The following ZNF445 variants were observed in gnomAD, a reference collection of about 807,000 sequenced individuals.
The protein encoded by ZNF445 is zinc finger protein 168.
In ZNF445, 19 loss-of-function variants were observed where a neutral mutation model predicts 93.9. The ratio of observed to expected loss-of-function variants is 0.20; its 90% CI spans 0.14 to 0.30. The LOEUF is 0.30. Ranked by LOEUF, ZNF445 falls within the 10% of genes least tolerant of loss-of-function variation. The pLI, the probability that ZNF445 is intolerant of heterozygous loss-of-function variation, is 1.00. For synonymous variants in ZNF445, 449 were observed against 446.3 expected, an observed-to-expected ratio of 1.01 and a Z score of -0.08; for missense variants, 1,058 against 1,259.4, an observed-to-expected ratio of 0.84 and a Z score of 2.42.
chr3:44,462,673 G>GA (rs947914621), intron 1 of ZNF445, among the ~76,000 whole-genome samples: 117 of 145,438 alleles, frequency 8.0e-4, no homozygotes, highest in South Asian at 5.7e-3. Flanking sequence ...TCTAAATCTT[G>GA]AAAAAAAAAG....
rs1178755931 is a variant in ZNF445, at chr3:44,440,289, T to C, written c.*6286A>G. 2 of 152,226 alleles carry C rather than the reference T, an allele frequency of 1.3e-5. No individual in the cohort carries two copies. The highest frequency in any genetic ancestry group is 4.8e-5 in the African/African-American group (2 of 41,464). 9.4% of individuals were successfully genotyped at this position (152,226 alleles called of 1,614,324 possible). A position where few individuals can be genotyped will look rare whatever the true frequency, so the allele number is the denominator to read the frequency against. The stretch of plus-strand genomic sequence containing the variant: ...ACTTTAAAAGGTGTGGTAGCTGGCA[T>C]ACAAGTATTTACTCTCCTTTTCCTC... On this transcript the variant is annotated 3_prime_UTR_variant, in exon 8 of 8. Transcript: ENST00000396077.
chr3:44,461,636 C>T (rs1362672431), intron 1 of ZNF445, among the ~76,000 whole-genome samples: 1 of 152,176 alleles, frequency 6.6e-6, no homozygotes, highest in African/African-American at 2.4e-5. Flanking sequence ...GTTGTCCTTT[C>T]CCACCTGGTA....
chr3:44,454,530 G>T (rs1698000946), intron 3 of ZNF445, among the ~76,000 whole-genome samples: 1 of 152,258 alleles, frequency 6.6e-6, no homozygotes, highest in African/African-American at 2.4e-5. Flanking sequence ...ACCTAACCTG[G>T]GTTCAAGTGA....
At chr3:44,450,321 G>T in intron 6 of ZNF445, 126 bp downstream of exon 6, 1 of 1,164,170 alleles carries the variant, frequency 8.6e-7, no homozygotes, top group Non-Finnish European at 1.3e-6. Context: ...GCTAGATTAA[G>T]TGATCTGGTC....
At position 44,448,672 on chromosome 3, in the gene ZNF445, G is replaced by A. The variant is rs756850662; in HGVS notation, c.999C>T (p.Thr333=). The change falls in exon 8 of 8, where the codon ACC becomes ACT. Residue 333 remains threonine (T), a synonymous_variant. Coordinates refer to ENST00000396077, the MANE Select transcript of ZNF445 (RefSeq NM_181489.6). ...CAGGACATCCTGATGACACAGCTAA[G>A]GTTTCTGCTTCTTCCAAAGGTTCCT... The part of the protein sequence containing the change: ...LNQEPLEEAE[T]LAVSSGCPAT... 6.2e-6 allele frequency: 10 copies of A among 1,613,872 alleles called. No homozygotes were observed. The South Asian group carries it at 1.1e-4, about 18-fold the overall frequency.
chr3:44,432,110 C>T lies in ZNF445; in HGVS notation c.*14465G>A, dbSNP rs1235078039. 6.6e-6 allele frequency: 1 copy of T among 152,118 alleles called. No individual in the cohort carries two copies. Among genetic ancestry groups the T allele is most frequent in the Non-Finnish European group, 1.5e-5 (1 of 68,062 alleles). 9.4% of individuals were successfully genotyped at this position (152,118 alleles called of 1,614,324 possible). A position where few individuals can be genotyped will look rare whatever the true frequency, so the allele number is the denominator to read the frequency against. ...ACGGGGTTTCACCATGTTGGCCAGGCTGGTCTCGAACTCCTGACCTCAAGT... is the reference window on the plus strand; with the variant it reads ...ACGGGGTTTCACCATGTTGGCCAGGTTGGTCTCGAACTCCTGACCTCAAGT... On this transcript the variant is annotated 3_prime_UTR_variant, in exon 8 of 8. Transcript: ENST00000396077.
Position 44,432,277 on chromosome 3 carries a change from G to GTGTGTGTGTC in ZNF445, c.*14297_*14298insGACACACACA, listed in dbSNP as rs1430012580. The GTGTGTGTGTC allele has an allele frequency of 1.5e-5, 2 of 136,348 alleles. No homozygotes were observed. The highest frequency in any genetic ancestry group is 5.8e-5 in the African/African-American group (2 of 34,736). The allele number at this position is 136,348 out of a possible 1,614,324, so 8.4% of individuals were successfully genotyped here. ...CACTCATTTGTGTGTGTGTGTCTGT[G>GTGTGTGTGTC]TGTGTGTGTGTGTGTGTGTGTGTGT... On this transcript the variant is annotated 3_prime_UTR_variant, in exon 8 of 8. Transcript: ENST00000396077.
rs1697820704 is a variant in ZNF445 at position 44,442,186 on chromosome 3, A to T, written c.*4389T>A. On this transcript the variant is annotated 3_prime_UTR_variant, in exon 8 of 8. Coordinates refer to ENST00000396077, the MANE Select transcript of ZNF445 (RefSeq NM_181489.6). ...TTTTCATCTATCTGTGTTGAGACGT[A>T]ACTCTTTCATATTCACTTTCCAAGG... The T allele has an allele frequency of 6.6e-6, 1 of 152,230 alleles. No individual in the cohort carries two copies. Among genetic ancestry groups the T allele is most frequent in the Admixed American group, 6.5e-5 (1 of 15,280 alleles). 9.4% of individuals were successfully genotyped at this position (152,230 alleles called of 1,614,324 possible). A position where few individuals can be genotyped will look rare whatever the true frequency, so the allele number is the denominator to read the frequency against.
Position 44,437,442 on chromosome 3 carries a change from T to C in ZNF445, c.*9133A>G, listed in dbSNP as rs1384543915. Reference sequence around the variant, plus strand: ...CGATCCAGACTCTTAAGAGAGTTCTTGGATCTCGTGCAAGAAAGGATTCAG... The same window carrying C: ...CGATCCAGACTCTTAAGAGAGTTCTCGGATCTCGTGCAAGAAAGGATTCAG... On this transcript the variant is annotated 3_prime_UTR_variant, in exon 8 of 8. Transcript: ENST00000396077. The C allele has an allele frequency of 2.0e-5, 3 of 151,880 alleles. No homozygotes were observed. The highest frequency in any genetic ancestry group is 2.9e-5 in the Non-Finnish European group (2 of 67,980). The allele number at this position is 151,880 out of a possible 1,614,324, so 9.4% of individuals were successfully genotyped here.
Position 44,436,195 on chromosome 3 carries a change from GA to G in ZNF445, c.*10379del, listed in dbSNP as rs1697676683. 6.6e-6 allele frequency: 1 copy of G among 152,154 alleles called. No homozygotes were observed. Among genetic ancestry groups the G allele is most frequent in the Non-Finnish European group, 1.5e-5 (1 of 68,034 alleles). The allele number at this position is 152,154 out of a possible 1,614,324, so 9.4% of individuals were successfully genotyped here. A position where few individuals can be genotyped will look rare whatever the true frequency, so the allele number is the denominator to read the frequency against. On this transcript the variant is annotated 3_prime_UTR_variant, in exon 8 of 8. Coordinates refer to ENST00000396077, the MANE Select transcript of ZNF445 (RefSeq NM_181489.6). ...GATCTGGAGCTTTCCTACTTACTCG[GA>G]TCAAGTAAAACTTTAGTAGGCAGCC...
intron 1 of ZNF445, among the ~76,000 whole-genome samples, chr3:44,462,762 A>G (rs916732301): frequency 1.7e-4 from 26 of 152,176 alleles, no homozygotes; most frequent in Non-Finnish European, 2.9e-4. Flanking sequence ...GTGAAAACTG[A>G]TTAATTTCAT....
rs749389823 is a variant in ZNF445, at chr3:44,473,312, G to A, written c.-269+4279C>T. ...TCTACTAAAAATACAAAAATTAGCCGGCATGGTGCTGCATGCCTGTAATCC... is the reference window on the plus strand; with the variant it reads ...TCTACTAAAAATACAAAAATTAGCCAGCATGGTGCTGCATGCCTGTAATCC... On this transcript the variant is annotated intron_variant, in intron 1 of 7. Transcript: ENST00000396077. 9.1e-4 allele frequency among the ~76,000 whole-genome samples: 138 copies of A among 151,806 alleles called. 1 individual carries two copies. Among genetic ancestry groups the A allele is most frequent in the Admixed American group, 4.3e-3 (66 of 15,218 alleles).
rs1197308406 is a variant in ZNF445 at position 44,446,791 on chromosome 3, G to A, written c.2880C>T (p.Ser960=). The A allele has an allele frequency of 2.5e-6, 4 of 1,614,186 alleles. No individual in the cohort carries two copies. The East Asian group carries it at 8.9e-5, about 36-fold the overall frequency. Residue 960 remains serine, a synonymous_variant, in exon 8 of 8, where the codon AGC becomes AGT. Transcript: ENST00000396077. This position sits in a 1 kb window ranked among gnomAD's most constrained non-coding sequence, Gnocchi z 4.2. ...MPLEDCKEAC[S]QSSRLTGLQD... ...GGAGTCCAGTGAGCCTGGAGCTCTG[G>A]CTGCAAGCTTCTTTGCAGTCTTCGA...
In ZNF445 at chr3:44,446,873, G is replaced by T. The variant is rs1208468119; in HGVS notation, c.2798C>A (p.Ser933Tyr). 1.2e-6 allele frequency: 2 copies of T among 1,614,054 alleles called. No individual in the cohort carries two copies. Among genetic ancestry groups the T allele is most frequent in the South Asian group, 2.2e-5 (2 of 91,086 alleles). Reference sequence around the variant, plus strand: ...TAATCTCAACTTTGTGTCCTGAGAGGAAGACCGTGCAGGCGGGCTACGTTC... The same window carrying T: ...TAATCTCAACTTTGTGTCCTGAGAGTAAGACCGTGCAGGCGGGCTACGTTC... ...QAERSPPARS[S>Y]SQDTKLRLQK... The change falls in exon 8 of 8, where the codon TCC becomes TAC. Residue 933 changes from serine (S) to tyrosine (Y), a missense_variant. Physicochemically the swap from Ser to Tyr is moderately radical, Grantham distance 144. Coordinates refer to ENST00000396077, the MANE Select transcript of ZNF445 (RefSeq NM_181489.6). The surrounding 1 kb of genome is among the most constrained non-coding windows in gnomAD (Gnocchi z 4.2).
In ZNF445 at chr3:44,451,420, T is replaced by C; in HGVS notation, c.492A>G (p.Ala164=). The stretch of plus-strand genomic sequence containing the variant: ...GAGGTGAAGCAAGGGACCATATCTG[T>C]GCAGATCGCAGGGCTCCTGTACCCA... ...HWMGTGALRS[A]QIWSLASPLR... Residue 164 remains alanine, a synonymous_variant, in exon 4 of 8, where the codon GCA becomes GCG. Coordinates refer to ENST00000396077, the MANE Select transcript of ZNF445 (RefSeq NM_181489.6). 1.2e-6 allele frequency: 2 copies of C among 1,614,056 alleles called. No individual in the cohort carries two copies. Among genetic ancestry groups the C allele is most frequent in the Non-Finnish European group, 1.7e-6 (2 of 1,179,970 alleles).
chr3:44,457,751 C>T (rs1698051646), intron 2 of ZNF445, among the ~76,000 whole-genome samples: 2 of 152,048 alleles, frequency 1.3e-5, no homozygotes, highest in Admixed American at 6.6e-5. Context: ...ACCTGTAATC[C>T]TAGCACTTTG....
At position 44,444,227 on chromosome 3, in the gene ZNF445, G is replaced by A. The variant is rs1246649269; in HGVS notation, c.*2348C>T. On this transcript the variant is annotated 3_prime_UTR_variant, in exon 8 of 8. Transcript: ENST00000396077. ...AAAGGGAGCAGAGATGGGGGGAAAG[G>A]GGTGCTAAAAGTTTGATTGGAAAGG... 6.6e-6 allele frequency: 1 copy of A among 152,234 alleles called. No individual in the cohort carries two copies. The highest frequency in any genetic ancestry group is 1.5e-5 in the Non-Finnish European group (1 of 68,096). The allele number at this position is 152,234 out of a possible 1,614,324, so 9.4% of individuals were successfully genotyped here.
rs1007083852 is a variant in ZNF445 at position 44,445,446 on chromosome 3, C to G, written c.*1129G>C. On this transcript the variant is annotated 3_prime_UTR_variant, in exon 8 of 8. Transcript: ENST00000396077. ...CTGCCTCCCTCTGAGCCAGCTCAAG[C>G]CCCCGTAATGACCCATGATGCTCAT... 6.6e-6 allele frequency: 1 copy of G among 152,360 alleles called. No individual in the cohort carries two copies. The highest frequency in any genetic ancestry group is 2.4e-5 in the African/African-American group (1 of 41,440). The allele number at this position is 152,360 out of a possible 1,614,324, so 9.4% of individuals were successfully genotyped here. A position where few individuals can be genotyped will look rare whatever the true frequency, so the allele number is the denominator to read the frequency against.
intron 1 of ZNF445, among the ~76,000 whole-genome samples, chr3:44,469,767 T>TCAAAAA (rs916319731): frequency 8.6e-5 from 13 of 151,124 alleles, no homozygotes; most frequent in South Asian, 4.2e-4. Context: ...AAACTCCATC[T>TCAAAAA]CAAAAACAAA....
Sources: allele counts gnomAD v4.1 joint callset (sites outside exome capture counted in the v4.1 genomes callset), GRCh38; gene constraint gnomAD v4.1.1; non-coding constraint Gnocchi (gnomAD v3.1); transcripts MANE v1.5; gene names NCBI Gene and HGNC (gene_info 2026-07-23, HGNC 2026-07-21).